The following SAMD15 variants were observed in gnomAD, a reference collection of about 807,000 sequenced individuals.
The protein encoded by SAMD15 is sterile alpha motif domain containing 15, also known as sterile alpha motif domain-containing protein 15.
SAMD15 carries 37 observed loss-of-function variants against 50.5 expected under a neutral mutation model. That is an observed-to-expected ratio of 0.73 (90% CI 0.56 to 0.96). The LOEUF (loss-of-function observed/expected upper bound fraction) is 0.96. Ranked by LOEUF, SAMD15 falls within the 40% of genes least tolerant of loss-of-function variation. SAMD15 has a pLI of 0.00. For missense variants in SAMD15, 789 were observed against 783.8 expected (o/e 1.01, Z -0.08); for synonymous variants, 255 against 282.8 (o/e 0.90, Z 0.99).
In SAMD15 at chr14:77,391,295, AAGAGG is replaced by A. The variant is rs745948638; in HGVS notation, c.*52_*56del. 1.2e-4 allele frequency: 138 copies of A among 1,173,080 alleles called. No homozygotes were observed. In the African/African-American group the frequency reaches 1.9e-3, roughly 16 times the overall value. 72.7% of individuals were successfully genotyped at this position (1,173,080 alleles called of 1,614,324 possible). A position where few individuals can be genotyped will look rare whatever the true frequency, so the allele number is the denominator to read the frequency against. ...AAGATCAAACTAAATTACTTGAGGG[AAGAGG>A]TATGGTCTTTTTTGGTTTTCTTTTT... On this transcript the variant is annotated 3_prime_UTR_variant, in exon 3 of 3. Transcript: ENST00000216471.
intron 2 of SAMD15, among the ~76,000 whole-genome samples, chr14:77,389,157 C>CA (rs1894042274): frequency 6.6e-6 from 1 of 152,020 alleles, no homozygotes; most frequent in South Asian, 2.1e-4. Context: ...CTCGGAATGC[C>CA]AAGGCAACTA....
chr14:77,378,584 C>A lies in SAMD15; in HGVS notation c.1166C>A (p.Pro389Gln). The A allele has an allele frequency of 2.5e-6, 4 of 1,613,434 alleles. No homozygotes were observed. The highest frequency in any genetic ancestry group is 3.4e-6 in the Non-Finnish European group (4 of 1,179,906). Residue 389 changes from proline (P) to glutamine (Q), a missense_variant, in exon 1 of 3, where the codon CCA becomes CAA. Physicochemically the swap from Pro to Gln is moderately conservative, Grantham distance 76 (BLOSUM62 -1). Transcript: ENST00000216471. ...TGPVLPQEINPQVEEKTQTKP... is the reference protein window; with the variant it reads ...TGPVLPQEINQQVEEKTQTKP... Reference sequence around the variant, plus strand: ...CCAGTGCTACCACAGGAGATCAACCCACAAGTTGAAGAGAAAACACAAACA... The same window carrying A: ...CCAGTGCTACCACAGGAGATCAACCAACAAGTTGAAGAGAAAACACAAACA...
At position 77,378,542 on chromosome 14, in the gene SAMD15, C is replaced by A; in HGVS notation, c.1124C>A (p.Pro375Gln). 3.7e-6 allele frequency: 6 copies of A among 1,613,528 alleles called. No individual in the cohort carries two copies. Among genetic ancestry groups the A allele is most frequent in the Admixed American group, 3.3e-5 (2 of 59,890 alleles). Residue 375 changes from proline (P) to glutamine (Q), a missense_variant, in exon 1 of 3, where the codon CCA becomes CAA. This residue lies in a region of SAMD15 where 770 missense variants were observed against 745.4 expected (regional missense o/e 1.03). Coordinates refer to ENST00000216471, the MANE Select transcript of SAMD15 (RefSeq NM_001010860.4). Reference sequence around the variant, plus strand: ...TCAAATGAGAAAAAAAATCCACAGCCACCAGAGGAGACTGGTCCAGTGCTA... The same window carrying A: ...TCAAATGAGAAAAAAAATCCACAGCAACCAGAGGAGACTGGTCCAGTGCTA... ...RKSNEKKNPQ[P>Q]PEETGPVLPQ...
Position 77,377,665 on chromosome 14 carries a change from TC to T in SAMD15, c.250del (p.Gln84ArgfsTer24). Reference sequence around the variant, plus strand: ...CGTGCAGCTGAAACCTGGCGGGACGTCCCAGGAAGGAATTGCCAAGGAGTCC... The same window carrying T: ...CGTGCAGCTGAAACCTGGCGGGACGTCCAGGAAGGAATTGCCAAGGAGTCC... ...KNVQLKPGGT[S>X]QEGIAKESKR... On this transcript the variant is annotated frameshift_variant, in exon 1 of 3. Transcript: ENST00000216471. LOFTEE classifies it high-confidence loss of function. The T allele has an allele frequency of 6.2e-7, 1 of 1,613,894 alleles. No individual in the cohort carries two copies. The highest frequency in any genetic ancestry group is 1.1e-5 in the South Asian group (1 of 91,062).
rs371593009 is a variant in SAMD15, at chr14:77,377,893, C to T, written c.475C>T (p.Pro159Ser). 1.2e-6 allele frequency: 2 copies of T among 1,614,024 alleles called. No homozygotes were observed. The highest frequency in any genetic ancestry group is 2.2e-5 in the South Asian group (2 of 91,076). ...CCTAGAGTCAGCTATGGAAACAGATCCAGATCCAGTGCCACCAACGGAAAC... is the reference window on the plus strand; with the variant it reads ...CCTAGAGTCAGCTATGGAAACAGATTCAGATCCAGTGCCACCAACGGAAAC... Reference protein sequence around the residue: ...VFLESAMETDPDPVPPTETMS... With the variant: ...VFLESAMETDSDPVPPTETMS... Residue 159 changes from proline to serine, a missense_variant, in exon 1 of 3, where the codon CCA becomes TCA. By Grantham distance (74) the Pro-to-Ser change is moderately conservative. Coordinates refer to ENST00000216471, the MANE Select transcript of SAMD15 (RefSeq NM_001010860.4).
rs143514872 is a variant in SAMD15 at position 77,377,616 on chromosome 14, G to C, written c.198G>C (p.Glu66Asp). Residue 66 changes from glutamate (E) to aspartate (D), a missense_variant, in exon 1 of 3, where the codon GAG (glutamate) becomes GAC (aspartate). Physicochemically the swap from Glu to Asp is conservative, Grantham distance 45. Transcript: ENST00000216471. The part of the protein sequence containing the change: ...QPETEEEDFK[E>D]GEPDSAKNVQ... ...AGACCGAGGAAGAGGACTTCAAAGA[G>C]GGGGAGCCAGACAGTGCTAAGAACG... 5.2e-4 allele frequency: 837 copies of C among 1,614,164 alleles called. 1 individual carries two copies. The highest frequency in any genetic ancestry group is 6.7e-4 in the Non-Finnish European group (788 of 1,180,028).
intron 2 of SAMD15, among the ~76,000 whole-genome samples, chr14:77,386,695 T>G (rs183215271): frequency 2.3e-4 from 35 of 152,292 alleles, no homozygotes; most frequent in African/African-American, 7.7e-4. Flanking sequence ...ACCACAACAA[T>G]TATGTCTTTG....
Position 77,377,432 on chromosome 14 carries a change from C to G in SAMD15, c.14C>G (p.Pro5Arg). The G allele has an allele frequency of 1.2e-6, 2 of 1,608,944 alleles. No homozygotes were observed. The highest frequency in any genetic ancestry group is 2.2e-5 in the East Asian group (1 of 44,834). Residue 5 changes from proline (P) to arginine (R), a missense_variant, in exon 1 of 3, where the codon CCG becomes CGG. By Grantham distance (103) the Pro-to-Arg change is moderately radical. Transcript: ENST00000216471. Reference protein sequence around the residue: MAEVPEDYDSGPDED... With the variant: MAEVREDYDSGPDED... The stretch of plus-strand genomic sequence containing the variant: ...GCTAAGCTGCAAATGGCTGAAGTCC[C>G]GGAGGATTATGATTCCGGCCCAGAT...
chr14:77,384,040 A>G (rs1029754589), intron 2 of SAMD15, among the ~76,000 whole-genome samples: 1 of 150,282 alleles, frequency 6.7e-6, no homozygotes, highest in African/African-American at 2.4e-5. Flanking sequence ...AACTTCTAGG[A>G]GGTCATACAT....
At chr14:77,381,024 C>G (rs1035191857) in intron 2 of SAMD15, among the ~76,000 whole-genome samples, 1 of 152,140 alleles carries the variant, frequency 6.6e-6, no homozygotes, top group Non-Finnish European at 1.5e-5. Flanking sequence ...CTCTCTATGT[C>G]TTCGCTCAGT....
In SAMD15 at chr14:77,378,804, A is replaced by T; in HGVS notation, c.1386A>T (p.Leu462Phe). 1 of 1,613,134 alleles carries T rather than the reference A, an allele frequency of 6.2e-7. No homozygotes were observed. The highest frequency in any genetic ancestry group is 8.5e-7 in the Non-Finnish European group (1 of 1,179,740). Residue 462 changes from leucine to phenylalanine, a missense_variant, in exon 1 of 3, where the codon TTA becomes TTT. Leu to Phe is a conservative substitution (Grantham distance 22). Coordinates refer to ENST00000216471, the MANE Select transcript of SAMD15 (RefSeq NM_001010860.4). ...SDKFRKEYYA[L>F]GSLRESEESI... ...AATTTAGAAAAGAATATTACGCATTAGGATCTCTCAGAGAAAGTGAAGAAT... is the reference window on the plus strand; with the variant it reads ...AATTTAGAAAAGAATATTACGCATTTGGATCTCTCAGAGAAAGTGAAGAAT...
At chr14:77,383,730 T>A (rs1199796161) in intron 2 of SAMD15, among the ~76,000 whole-genome samples, 2 of 152,168 alleles carry the variant, frequency 1.3e-5, no homozygotes, top group Non-Finnish European at 2.9e-5. Context: ...CCCAGCACTT[T>A]GGGAGGCCAA....
chr14:77,383,912 G>A (rs1360277493), intron 2 of SAMD15, among the ~76,000 whole-genome samples: 1 of 142,354 alleles, frequency 7.0e-6, no homozygotes, highest in Non-Finnish European at 1.5e-5. Context: ...GGAGGTTATA[G>A]TGAGCCAAGA....
chr14:77,386,352 A>T (rs997472717), intron 2 of SAMD15, among the ~76,000 whole-genome samples: 1 of 152,162 alleles, frequency 6.6e-6, no homozygotes, highest in Non-Finnish European at 1.5e-5. Context: ...TTGATGTCAC[A>T]TAAGTGGAAT....
intron 2 of SAMD15, among the ~76,000 whole-genome samples, chr14:77,382,778 CG>C (rs1893959578): frequency 6.6e-6 from 1 of 152,048 alleles, no homozygotes; most frequent in Non-Finnish European, 1.5e-5. Flanking sequence ...TGCAGTGGCT[CG>C]ATTTCAGCTC....
intron 1 of SAMD15, 145 bp from the exon 2 acceptor site, chr14:77,380,238 C>A: frequency 3.4e-6 from 2 of 595,576 alleles, no homozygotes; most frequent in Admixed American, 2.4e-5. Context: ...CAGAGTGAGA[C>A]CCTGTCTCTA....
rs941887374 is a variant in SAMD15 at position 77,391,653 on chromosome 14, G to A, written c.*409G>A. 1.3e-5 allele frequency among the ~76,000 whole-genome samples: 2 copies of A among 152,074 alleles called. No individual in the cohort carries two copies. The highest frequency in any genetic ancestry group is 4.8e-5 in the African/African-American group (2 of 41,430). ...TCATTAAGGATCAGTTAGAACTGCT[G>A]GCTTCATTCCTAGTTGTGTCTCTGA... On this transcript the variant is annotated 3_prime_UTR_variant, in exon 3 of 3. Coordinates refer to ENST00000216471, the MANE Select transcript of SAMD15 (RefSeq NM_001010860.4).
At chr14:77,385,176 C>G (rs912699521) in intron 2 of SAMD15, among the ~76,000 whole-genome samples, 1 of 151,904 alleles carries the variant, frequency 6.6e-6, no homozygotes, top group South Asian at 2.1e-4. Flanking sequence ...GAGTGAAACT[C>G]CATCTCAAAA....
At chr14:77,390,780 C>T (rs537625062) in intron 2 of SAMD15, among the ~76,000 whole-genome samples, 19 of 152,252 alleles carry the variant, frequency 1.2e-4, no homozygotes, top group African/African-American at 4.6e-4. Flanking sequence ...ATCCCAGCTA[C>T]TCAGGAGGCT....
Sources: gnomAD v4.1 joint callset for allele counts (sites outside exome capture counted in the v4.1 genomes callset) on GRCh38, gnomAD v4.1.1 for gene constraint, gnomAD v4.1.1 regional missense constraint, MANE v1.5 for transcripts, NCBI Gene and HGNC (gene_info 2026-07-23, HGNC 2026-07-21) for gene names.